STAG1: variants seen among roughly 807,000 people sequenced by gnomAD.
STAG1 encodes cohesin subunit SA-1.
STAG1 carries 26 observed loss-of-function variants against 170.9 expected under a neutral mutation model. The observed-to-expected ratio is 0.15, with a 90% CI of 0.11 to 0.21. The LOEUF (loss-of-function observed/expected upper bound fraction) is 0.21. Ranked by LOEUF, STAG1 falls within the 10% of genes least tolerant of loss-of-function variation. The probability of loss-of-function intolerance (pLI) is 1.00; values close to 1 mark genes in which losing one functional copy is unlikely to be tolerated. For missense variants in STAG1, 964 were observed against 1,509.5 expected, an observed-to-expected ratio of 0.64 and a Z score of 5.99; for synonymous variants, 514 against 497.7, an observed-to-expected ratio of 1.03 and a Z score of -0.44.
chr3:136,388,044 C>T (rs573296266), intron 22 of STAG1, among the ~76,000 whole-genome samples: 2 of 152,256 alleles, frequency 1.3e-5, no homozygotes, highest in South Asian at 2.1e-4. Flanking sequence ...TGGCCTCAGG[C>T]AATAGTTCAA....
At chr3:136,449,900 C>CTTTT (rs34077581) in intron 14 of STAG1, among the ~76,000 whole-genome samples, 1 of 126,556 alleles carries the variant, frequency 7.9e-6, no homozygotes, top group Non-Finnish European at 1.7e-5. Context: ...ACTATTGTTG[C>CTTTT]TTTTTTTTTT....
intron 9 of STAG1, among the ~76,000 whole-genome samples, chr3:136,498,210 T>TTTTATATATATA (rs1553733338): frequency 2.0e-5 from 1 of 50,870 alleles, no homozygotes; most frequent in Non-Finnish European, 3.0e-5. Context: ...AAAAAAAAAA[T>TTTTATATATATA]TATATATATA....
intron 3 of STAG1, 60 bp downstream of exon 3, chr3:136,623,086 A>C: frequency 7.0e-7 from 1 of 1,431,556 alleles, no homozygotes; most frequent in South Asian, 1.2e-5. Context: ...TTAACAACTC[A>C]TATAAACTCA....
intron 5 of STAG1, among the ~76,000 whole-genome samples, chr3:136,548,468 C>T (rs1559872789): frequency 6.6e-6 from 1 of 152,100 alleles, no homozygotes; most frequent in East Asian, 1.9e-4. Context: ...AAGTGTGGTG[C>T]TTCCAGCTTT....
intron 7 of STAG1, among the ~76,000 whole-genome samples, chr3:136,519,690 C>A (rs1201260675): frequency 1.3e-5 from 2 of 149,620 alleles, no homozygotes; most frequent in African/African-American, 4.9e-5. Flanking sequence ...GAAAGGTTGG[C>A]GAATTAGAAA....
At chr3:136,678,873 G>GAAAAAAAAAAAAAAAAAAAAAAAAAA (rs1942231605) in intron 1 of STAG1, among the ~76,000 whole-genome samples, 1 of 120,200 alleles carries the variant, frequency 8.3e-6, no homozygotes. Context: ...AAAAGAAAAA[G>GAAAAAAAAAAAAAAAAAAAAAAAAAA]AAGAAAAAGA....
At position 136,713,905 on chromosome 3, in the gene STAG1, C is replaced by T. The variant is rs148651892; in HGVS notation, c.-84+38290G>A. 5.8e-3 allele frequency among the ~76,000 whole-genome samples: 886 copies of T among 152,156 alleles called. 9 individuals are homozygous for T. The highest frequency in any genetic ancestry group is 0.02 in the African/African-American group (823 of 41,520). On this transcript the variant is annotated intron_variant, in intron 1 of 33. Coordinates refer to ENST00000383202, the MANE Select transcript of STAG1 (RefSeq NM_005862.3). The stretch of plus-strand genomic sequence containing the variant: ...GGGCATGGTGGCAGGCACCTGTAAT[C>T]CCAGCTACTCGGGTGCCTGAGGCAG...
chr3:136,487,702 T>G (rs994262058), intron 9 of STAG1, among the ~76,000 whole-genome samples: 1 of 152,218 alleles, frequency 6.6e-6, no homozygotes, highest in African/African-American at 2.4e-5. Flanking sequence ...AAATTACAAC[T>G]GATGTGGTAG....
intron 14 of STAG1, among the ~76,000 whole-genome samples, chr3:136,451,372 C>T (rs1276150005): frequency 1.3e-5 from 2 of 151,890 alleles, no homozygotes; most frequent in African/African-American, 2.4e-5. Flanking sequence ...AATTTTCAAA[C>T]AAGATAAAAC....
At chr3:136,751,202 A>C (rs1352230480) in intron 1 of STAG1, among the ~76,000 whole-genome samples, 1 of 133,126 alleles carries the variant, frequency 7.5e-6, no homozygotes, top group South Asian at 2.3e-4. Context: ...TTTTGTCTGT[A>C]AGTGTCCAAA....
At chr3:136,426,043 G>T (rs1211308809) in intron 16 of STAG1, among the ~76,000 whole-genome samples, 1 of 150,548 alleles carries the variant, frequency 6.6e-6, no homozygotes, top group Non-Finnish European at 1.5e-5. Context: ...GAACTACATG[G>T]TTCATTTATA....
intron 4 of STAG1, among the ~76,000 whole-genome samples, chr3:136,582,839 C>A (rs1319242828): frequency 6.6e-6 from 1 of 151,960 alleles, no homozygotes; most frequent in East Asian, 1.9e-4. Flanking sequence ...ATTAGCAATT[C>A]CAAGATGTTA....
intron 1 of STAG1, among the ~76,000 whole-genome samples, chr3:136,638,905 C>CTAAA (rs1318196267): frequency 1.3e-5 from 2 of 151,880 alleles, no homozygotes; most frequent in Non-Finnish European, 2.9e-5. Flanking sequence ...CTGTCCGTCT[C>CTAAA]TAAATAAATA....
At position 136,543,644 on chromosome 3, in the gene STAG1, T is replaced by C. The variant is rs563967414; in HGVS notation, c.395-1449A>G. ...CCATCAGTTACCGGATATGGGACAC[T>C]AGAAAAGTCACTTAGTCTCTATGAA... On this transcript the variant is annotated intron_variant, in intron 5 of 33. Coordinates refer to ENST00000383202, the MANE Select transcript of STAG1 (RefSeq NM_005862.3). 9.8e-5 allele frequency among the ~76,000 whole-genome samples: 15 copies of C among 152,296 alleles called. No individual in the cohort carries two copies. In the South Asian group the frequency reaches 2.7e-3, roughly 27 times the overall value.
At chr3:136,669,154 AC>A (rs1941905102) in intron 1 of STAG1, among the ~76,000 whole-genome samples, 1 of 152,196 alleles carries the variant, frequency 6.6e-6, no homozygotes, top group African/African-American at 2.4e-5. Flanking sequence ...TTGTAGTATT[AC>A]CTCTGTCACA....
At chr3:136,709,263 C>A (rs1266901387) in intron 1 of STAG1, among the ~76,000 whole-genome samples, 1 of 151,480 alleles carries the variant, frequency 6.6e-6, no homozygotes, top group African/African-American at 2.4e-5. Context: ...GCACTCCAGC[C>A]TGGGCGACAG....
At chr3:136,372,627 T>G (rs528548682) in intron 23 of STAG1, among the ~76,000 whole-genome samples, 5 of 152,338 alleles carry the variant, frequency 3.3e-5, no homozygotes, top group African/African-American at 1.2e-4. Context: ...TGTCTTTGGT[T>G]CTGTTTATAT....
intron 4 of STAG1, among the ~76,000 whole-genome samples, chr3:136,569,869 T>C (rs1272365524): frequency 1.3e-5 from 2 of 152,038 alleles, no homozygotes; most frequent in Non-Finnish European, 1.5e-5. Context: ...TCAACAAGTA[T>C]CATATTCTGA....
At chr3:136,702,109 G>C (rs9845232) in intron 1 of STAG1, among the ~76,000 whole-genome samples, 2,265 of 89,650 alleles carry the variant, frequency 0.025, 31 homozygotes, top group Middle Eastern at 0.046. Context: ...GAGAGAGAGA[G>C]AGAGAGAGAG....
Sources: allele counts gnomAD v4.1 joint callset (sites outside exome capture counted in the v4.1 genomes callset), GRCh38; gene constraint gnomAD v4.1.1; transcripts MANE v1.5; gene names NCBI Gene and HGNC (gene_info 2026-07-23, HGNC 2026-07-21).